Variants in PTPRD observed in about 807,000 individuals in gnomAD.
The protein encoded by PTPRD is receptor-type tyrosine-protein phosphatase delta.
PTPRD carries 34 observed loss-of-function variants against 214.5 expected under a neutral mutation model. That is an observed-to-expected ratio of 0.16 (90% CI 0.12 to 0.21). PTPRD has a LOEUF of 0.21. PTPRD is among the 10% of genes least tolerant of loss of function. The probability of loss-of-function intolerance (pLI) is 1.00; values close to 1 mark genes in which losing one functional copy is unlikely to be tolerated. For synonymous variants in PTPRD, 1,128 were observed against 845.7 expected (o/e 1.33, Z -5.79); for missense variants, 2,545 against 2,398.7 (o/e 1.06, Z -1.27).
intron 2 of PTPRD, among the ~76,000 whole-genome samples, chr9:10,407,698 T>G (rs2098386467): frequency 6.6e-6 from 1 of 151,594 alleles, no homozygotes; most frequent in African/African-American, 2.4e-5. Context: ...TTTAAATTCA[T>G]GACCTATTTT....
At chr9:8,503,489 T>C (rs1026974473) in intron 23 of PTPRD, among the ~76,000 whole-genome samples, 1 of 152,134 alleles carries the variant, frequency 6.6e-6, no homozygotes, top group Non-Finnish European at 1.5e-5. Context: ...TAAAAAGCAA[T>C]TAATAATAAT....
At chr9:9,426,269 C>G (rs540429948) in intron 8 of PTPRD, among the ~76,000 whole-genome samples, 2 of 152,210 alleles carry the variant, frequency 1.3e-5, no homozygotes, top group African/African-American at 4.8e-5. Flanking sequence ...TATTCTGCAC[C>G]TGGCTCAGAG....
intron 8 of PTPRD, among the ~76,000 whole-genome samples, chr9:9,460,804 T>G (rs182627837): frequency 3.0e-3 from 458 of 152,136 alleles, no homozygotes; most frequent in Non-Finnish European, 4.5e-3. Flanking sequence ...CTATTCATCC[T>G]AGCAACCTCA....
At chr9:8,759,590 G>A (rs1185111370) in intron 11 of PTPRD, among the ~76,000 whole-genome samples, 1 of 149,668 alleles carries the variant, frequency 6.7e-6, no homozygotes, top group African/African-American at 2.5e-5. Flanking sequence ...ATCTGCTGTT[G>A]GCATCTTTTG....
chr9:8,469,463 GGAT>G (rs1478977549), intron 31 of PTPRD, among the ~76,000 whole-genome samples: 2 of 151,854 alleles, frequency 1.3e-5, no homozygotes, highest in African/African-American at 4.8e-5. Flanking sequence ...AACTTAAACA[GGAT>G]GATGACACTT....
chr9:10,486,706 C>T (rs1322089503), intron 2 of PTPRD, among the ~76,000 whole-genome samples: 4 of 152,260 alleles, frequency 2.6e-5, no homozygotes, highest in South Asian at 2.1e-4. Context: ...TGTTTTAGGA[C>T]ATTTTTGTGA....
At chr9:8,716,276 T>TA (rs1427621120) in intron 12 of PTPRD, among the ~76,000 whole-genome samples, 1 of 152,232 alleles carries the variant, frequency 6.6e-6, no homozygotes, top group Admixed American at 6.5e-5. Flanking sequence ...CCAAAGGATT[T>TA]AAATGAATAA....
chr9:10,302,320 T>TA (rs1482070620), intron 3 of PTPRD, among the ~76,000 whole-genome samples: 1 of 152,106 alleles, frequency 6.6e-6, no homozygotes, highest in Non-Finnish European at 1.5e-5. Flanking sequence ...ACATACCAAA[T>TA]TGTAAAGACC....
intron 7 of PTPRD, among the ~76,000 whole-genome samples, chr9:9,663,731 A>T (rs1159022719): frequency 1.3e-5 from 2 of 151,574 alleles, no homozygotes; most frequent in African/African-American, 2.4e-5. Flanking sequence ...ATTACATAGA[A>T]CTTCACACAG....
At chr9:9,651,170 A>G (rs966064328) in intron 7 of PTPRD, among the ~76,000 whole-genome samples, 1 of 152,152 alleles carries the variant, frequency 6.6e-6, no homozygotes, top group African/African-American at 2.4e-5. Flanking sequence ...ACATTTTATC[A>G]TTTCTATGAA....
At chr9:9,293,383 T>C (rs1483710101) in intron 9 of PTPRD, among the ~76,000 whole-genome samples, 2 of 141,014 alleles carry the variant, frequency 1.4e-5, no homozygotes, top group Non-Finnish European at 3.2e-5. Flanking sequence ...TCATTGTTTG[T>C]TTGTTCTTTT....
intron 11 of PTPRD, among the ~76,000 whole-genome samples, chr9:8,740,352 T>C (rs1158603115): frequency 6.6e-6 from 1 of 152,188 alleles, no homozygotes; most frequent in African/African-American, 2.4e-5. Flanking sequence ...CCACATTCTA[T>C]AGACATAAAG....
At chr9:9,198,879 C>T (rs2099940221) in intron 9 of PTPRD, among the ~76,000 whole-genome samples, 1 of 152,110 alleles carries the variant, frequency 6.6e-6, no homozygotes, top group South Asian at 2.1e-4. Flanking sequence ...CTACATGCAT[C>T]CCATTATGGA....
chr9:9,848,131 C>T (rs934395687), intron 5 of PTPRD, among the ~76,000 whole-genome samples: 13 of 152,122 alleles, frequency 8.5e-5, no homozygotes, highest in African/African-American at 2.2e-4. Flanking sequence ...AGCTGTAACA[C>T]GCTTCAGAGT....
chr9:10,610,012 T>C (rs2080531255), intron 2 of PTPRD, among the ~76,000 whole-genome samples: 1 of 152,162 alleles, frequency 6.6e-6, no homozygotes, highest in African/African-American at 2.4e-5. Context: ...ATTCATTCCC[T>C]GCAGACTGCT....
At chr9:9,234,221 C>T (rs1215658614) in intron 9 of PTPRD, among the ~76,000 whole-genome samples, 1 of 152,228 alleles carries the variant, frequency 6.6e-6, no homozygotes, top group Non-Finnish European at 1.5e-5. Flanking sequence ...AGGTAAGCTG[C>T]AAGGCTTGGG....
At chr9:9,361,841 T>G (rs866543398) in intron 9 of PTPRD, among the ~76,000 whole-genome samples, 1 of 151,060 alleles carries the variant, frequency 6.6e-6, no homozygotes, top group Non-Finnish European at 1.5e-5. Context: ...ATTATACAAC[T>G]ATTTATCAGG....
At chr9:10,379,904 T>C (rs963364762) in intron 2 of PTPRD, among the ~76,000 whole-genome samples, 10 of 152,206 alleles carry the variant, frequency 6.6e-5, no homozygotes, top group African/African-American at 2.2e-4. Flanking sequence ...TCTATTTATA[T>C]ACTCAAAATC....
At chr9:8,697,040 CT>C (rs1486442414) in intron 12 of PTPRD, among the ~76,000 whole-genome samples, 1 of 152,144 alleles carries the variant, frequency 6.6e-6, no homozygotes, top group East Asian at 1.9e-4. Flanking sequence ...CAGTTTCTGC[CT>C]AGAAGAATCC....
Sources: allele counts gnomAD v4.1 joint callset (sites outside exome capture counted in the v4.1 genomes callset), GRCh38; gene constraint gnomAD v4.1.1; transcripts MANE v1.5; gene names NCBI Gene and HGNC (gene_info 2026-07-23, HGNC 2026-07-21).